The following SGCD variants were observed in gnomAD, a reference collection of about 807,000 sequenced individuals.
SGCD encodes the protein sarcoglycan delta, also known as delta-sarcoglycan.
Under a neutral mutation model 36.6 loss-of-function variants are expected in SGCD, and 18 were observed. The observed-to-expected ratio is 0.49, with a 90% confidence interval of 0.34 to 0.73. The LOEUF (loss-of-function observed/expected upper bound fraction) is 0.73. Ranked by LOEUF, SGCD falls within the 30% of genes least tolerant of loss-of-function variation. The pLI is 0.01. For missense variants in SGCD, 387 were observed against 346.7 expected, an observed-to-expected ratio of 1.12 and a Z score of -0.92; for synonymous variants, 133 against 130.6, an observed-to-expected ratio of 1.02 and a Z score of -0.12.
intron 1 of SGCD, among the ~76,000 whole-genome samples, chr5:155,958,628 A>G (rs1156465659): frequency 6.6e-6 from 1 of 152,172 alleles, no homozygotes. Context: ...TAAGCATGCT[A>G]ACAATTAAAA....
intron 3 of SGCD, among the ~76,000 whole-genome samples, chr5:156,216,227 G>T (rs575107081): frequency 1.3e-5 from 2 of 152,084 alleles, no homozygotes; most frequent in Non-Finnish European, 2.9e-5. Context: ...TTAGACAGAA[G>T]GATTAAGTTC....
intron 6 of SGCD, among the ~76,000 whole-genome samples, chr5:156,622,484 G>A (rs527426032): frequency 2.6e-4 from 36 of 138,164 alleles, no homozygotes; most frequent in African/African-American, 9.0e-4. Flanking sequence ...TAATAATTTA[G>A]GGAAGGAAAG....
the SGCD span, among the ~76,000 whole-genome samples, chr5:155,740,985 T>C: frequency 1.3e-5 from 2 of 152,150 alleles, no homozygotes; most frequent in African/African-American, 2.4e-5. Flanking sequence ...TTGGTTTGTA[T>C]ATATTTTAGT....
rs191753053 is a variant in SGCD at position 156,185,456 on chromosome 5, C to T, written c.-44+61437C>T. ...GTCTCGATCTCCTGACCTTGTGATC[C>T]GCCCGCCTTGGCCTCCCAAAGTGCT... On this transcript the variant is annotated intron_variant, in intron 3 of 9. Transcript: ENST00000517913. 5.5e-3 allele frequency among the ~76,000 whole-genome samples: 834 copies of T among 152,054 alleles called. 2 individuals are homozygous for T. The highest frequency in any genetic ancestry group is 0.014 in the Middle Eastern group (4 of 294).
intron 4 of SGCD, among the ~76,000 whole-genome samples, chr5:156,517,813 G>A (rs975172525): frequency 2.6e-5 from 4 of 152,108 alleles, no homozygotes; most frequent in African/African-American, 9.7e-5. Flanking sequence ...TTACCACTAG[G>A]CCTGCCTTGC....
chr5:155,748,521 C>G, the SGCD span, among the ~76,000 whole-genome samples: 2 of 152,052 alleles, frequency 1.3e-5, no homozygotes, highest in Non-Finnish European at 2.9e-5. Flanking sequence ...ATTGCTGAGC[C>G]CCACTCCTAG....
At chr5:156,233,580 G>A (rs1765077031) in intron 3 of SGCD, among the ~76,000 whole-genome samples, 1 of 152,164 alleles carries the variant, frequency 6.6e-6, no homozygotes, top group Non-Finnish European at 1.5e-5. Context: ...ATCTGAGGGG[G>A]ATGGGAGTTG....
intron 3 of SGCD, among the ~76,000 whole-genome samples, chr5:156,204,265 GT>G (rs745734558): frequency 2.0e-5 from 3 of 151,984 alleles, no homozygotes; most frequent in Non-Finnish European, 4.4e-5. Flanking sequence ...AGAGCTTTTT[GT>G]TATGTAGTAA....
In SGCD at chr5:156,764,058, C is replaced by T. The variant is rs1486515206; in HGVS notation, c.*4668C>T. The T allele has an allele frequency of 1.3e-5, 2 of 152,118 alleles. No homozygotes were observed. The highest frequency in any genetic ancestry group is 2.9e-5 in the Non-Finnish European group (2 of 68,030). The allele number at this position is 152,118 out of a possible 1,614,324, so 9.4% of individuals were successfully genotyped here. A position where few individuals can be genotyped will look rare whatever the true frequency, so the allele number is the denominator to read the frequency against. On this transcript the variant is annotated 3_prime_UTR_variant, in exon 9 of 9. Coordinates refer to ENST00000337851, the MANE Select transcript of SGCD (RefSeq NM_000337.6). ...CCAGTTCTCCCTCTTCCCCCTGTCC[C>T]AAGAAATCTTAGGCATGAAAAGGAT...
In SGCD at chr5:156,467,114, C is replaced by A. The variant is rs118140815; in HGVS notation, c.193-41487C>A. 1.4e-4 allele frequency among the ~76,000 whole-genome samples: 22 copies of A among 152,226 alleles called. No individual in the cohort carries two copies. The East Asian group carries it at 4.3e-3, about 29-fold the overall frequency. ...AAAGCATCCATAGACAAAGTGTGAA[C>A]AAATGGGGAAGGCTGTGTTCCAATA... On this transcript the variant is annotated intron_variant, in intron 3 of 8. Coordinates refer to ENST00000337851, the MANE Select transcript of SGCD (RefSeq NM_000337.6).
chr5:156,647,195 C>A (rs1304412038), intron 6 of SGCD, among the ~76,000 whole-genome samples: 1 of 152,126 alleles, frequency 6.6e-6, no homozygotes. Context: ...GGCATCTTTT[C>A]CTTTCTGAAG....
chr5:156,653,525 C>T (rs561749636), intron 7 of SGCD, among the ~76,000 whole-genome samples: 1 of 39,814 alleles, frequency 2.5e-5, no homozygotes, highest in Non-Finnish European at 6.6e-5. Context: ...GTTGTTCAAA[C>T]TGTGGTAGCC....
intron 3 of SGCD, among the ~76,000 whole-genome samples, chr5:156,128,932 A>G (rs189698955): frequency 6.6e-6 from 1 of 152,348 alleles, no homozygotes; most frequent in Admixed American, 6.5e-5. Context: ...CAAAAATAGT[A>G]TGGTGTAGGT....
intron 3 of SGCD, among the ~76,000 whole-genome samples, chr5:156,472,193 T>G (rs917897832): frequency 3.3e-5 from 5 of 152,184 alleles, no homozygotes; most frequent in African/African-American, 1.2e-4. Flanking sequence ...GAGAATTGTT[T>G]GGAATTTTCT....
chr5:156,001,780 G>A (rs1448344132), intron 1 of SGCD, among the ~76,000 whole-genome samples: 5 of 152,190 alleles, frequency 3.3e-5, no homozygotes, highest in Non-Finnish European at 7.3e-5. Flanking sequence ...AGTTAAAATA[G>A]GAAATAAATG....
intron 3 of SGCD, among the ~76,000 whole-genome samples, chr5:156,176,995 T>C (rs1253193099): frequency 2.0e-5 from 3 of 152,064 alleles, no homozygotes; most frequent in Non-Finnish European, 4.4e-5. Context: ...ATTAAGGTAA[T>C]TTTTTATTTT....
intron 3 of SGCD, among the ~76,000 whole-genome samples, chr5:156,214,016 T>G (rs1490526801): frequency 6.6e-6 from 1 of 151,970 alleles, no homozygotes; most frequent in Non-Finnish European, 1.5e-5. Context: ...TAATAAATAG[T>G]TGAAAGCTTT....
chr5:156,507,038 C>T (rs1442146637), intron 3 of SGCD, among the ~76,000 whole-genome samples: 1 of 152,134 alleles, frequency 6.6e-6, no homozygotes, highest in Non-Finnish European at 1.5e-5. Flanking sequence ...ATAGAAGAAC[C>T]TCCCATGAAG....
At chr5:155,836,971 T>C in the SGCD span, among the ~76,000 whole-genome samples, 11 of 152,242 alleles carry the variant, frequency 7.2e-5, 1 homozygote, top group East Asian at 1.9e-3. Flanking sequence ...CTCAGAATCA[T>C]CCATGTCCAC....
Sources: gnomAD v4.1 joint callset for allele counts (sites outside exome capture counted in the v4.1 genomes callset) on GRCh38, gnomAD v4.1.1 for gene constraint, MANE v1.5 for transcripts, NCBI Gene and HGNC (gene_info 2026-07-23, HGNC 2026-07-21) for gene names.